USH2A: variants seen among roughly 807,000 people sequenced by gnomAD.
The protein encoded by USH2A is usherin.
In USH2A, 443 loss-of-function variants were observed where a neutral mutation model predicts 538.9. That is an observed-to-expected ratio of 0.82 (90% CI 0.76 to 0.89). The LOEUF (loss-of-function observed/expected upper bound fraction) is 0.89, where lower values mean the gene tolerates loss of function less well. Ranked by LOEUF, USH2A falls within the 40% of genes least tolerant of loss-of-function variation. The probability of loss-of-function intolerance (pLI) is 0.00; values close to 1 mark genes in which losing one functional copy is unlikely to be tolerated. For synonymous variants in USH2A, 2,413 were observed against 2,273.5 expected (o/e 1.06, Z -1.75); for missense variants, 6,633 against 6,324.8 (o/e 1.05, Z -1.65).
intron 2 of USH2A, among the ~76,000 whole-genome samples, chr1:216,419,434 C>A (rs1396388243): frequency 1.3e-5 from 2 of 152,178 alleles, no homozygotes; most frequent in East Asian, 1.9e-4. Flanking sequence ...TATCTCTACC[C>A]TTATTAGAGT....
At chr1:216,016,361 AC>A (rs1668711724) in intron 32 of USH2A, among the ~76,000 whole-genome samples, 1 of 152,194 alleles carries the variant, frequency 6.6e-6, no homozygotes, top group African/African-American at 2.4e-5. Flanking sequence ...AAAGGAAAAA[AC>A]AAAAACAAAA....
chr1:216,171,764 A>G (rs2034280219), intron 21 of USH2A, among the ~76,000 whole-genome samples: 1 of 152,114 alleles, frequency 6.6e-6, no homozygotes, highest in Admixed American at 6.6e-5. Context: ...ACAGAAGCAC[A>G]AAAAATGATT....
intron 32 of USH2A, among the ~76,000 whole-genome samples, chr1:216,027,169 T>C (rs1234221496): frequency 6.6e-6 from 1 of 152,064 alleles, no homozygotes; most frequent in Non-Finnish European, 1.5e-5. Context: ...AAAGAGGTAA[T>C]TAAGTCAAAA....
chr1:215,760,408 TTC>T (rs1660948109), intron 56 of USH2A, among the ~76,000 whole-genome samples: 1 of 152,064 alleles, frequency 6.6e-6, no homozygotes, highest in African/African-American at 2.4e-5. Context: ...CTTCTTCTTT[TTC>T]TCTCTTCTCT....
At chr1:216,315,914 G>A (rs2037499039) in intron 9 of USH2A, among the ~76,000 whole-genome samples, 1 of 152,082 alleles carries the variant, frequency 6.6e-6, no homozygotes, top group Non-Finnish European at 1.5e-5. Flanking sequence ...TTAATGAATA[G>A]CATCTAGGCT....
chr1:216,415,705 T>C (rs965952514), intron 3 of USH2A, among the ~76,000 whole-genome samples: 1 of 151,846 alleles, frequency 6.6e-6, no homozygotes, highest in African/African-American at 2.4e-5. Flanking sequence ...AGGGTGTTTT[T>C]TCGTAGAGAT....
chr1:216,016,356 A>G (rs895772220), intron 32 of USH2A, among the ~76,000 whole-genome samples: 6 of 152,206 alleles, frequency 3.9e-5, no homozygotes, highest in Non-Finnish European at 7.3e-5. Context: ...TTAAAAAAGG[A>G]AAAAACAAAA....
chr1:216,069,129 C>G (rs762384963), intron 30 of USH2A, among the ~76,000 whole-genome samples: 1 of 152,138 alleles, frequency 6.6e-6, no homozygotes, highest in African/African-American at 2.4e-5. Context: ...CAATAAACTA[C>G]TTGGTATTTT....
chr1:216,148,352 G>A (rs1247886271), intron 21 of USH2A, among the ~76,000 whole-genome samples: 1 of 151,732 alleles, frequency 6.6e-6, no homozygotes, highest in South Asian at 2.1e-4. Flanking sequence ...GACTATTCCT[G>A]GACTACAGCT....
Position 216,200,133 on chromosome 1 carries a change from A to G in USH2A, c.3317-12T>C. The G allele has an allele frequency of 6.2e-7, 1 of 1,604,758 alleles. No homozygotes were observed. The highest frequency in any genetic ancestry group is 8.5e-7 in the Non-Finnish European group (1 of 1,177,284). On this transcript the variant is annotated splice_polypyrimidine_tract_variant and intron_variant, in intron 16 of 71. Coordinates refer to ENST00000307340, the MANE Select transcript of USH2A (RefSeq NM_206933.4). ...GAAGTATTGAATACCTGAAATGAAA[A>G]GAAAAAAAAAAAACAAAGTTACATT...
At chr1:216,265,375 G>T (rs2036451419) in intron 11 of USH2A, among the ~76,000 whole-genome samples, 1 of 151,934 alleles carries the variant, frequency 6.6e-6, no homozygotes, top group African/African-American at 2.4e-5. Flanking sequence ...AGAGAAAAGG[G>T]AATTCTTATA....
intron 38 of USH2A, among the ~76,000 whole-genome samples, chr1:215,930,424 G>A (rs2102496067): frequency 6.6e-6 from 1 of 152,024 alleles, no homozygotes; most frequent in African/African-American, 2.4e-5. Context: ...GTTTAAGTCT[G>A]GAGGCAAAAT....
At chr1:215,858,695 T>G (rs1664237226) in intron 44 of USH2A, among the ~76,000 whole-genome samples, 1 of 151,914 alleles carries the variant, frequency 6.6e-6, no homozygotes, top group Admixed American at 6.6e-5. Context: ...GGATAAGAGC[T>G]TTGCTATTAA....
In USH2A at chr1:216,245,504, AG is replaced by A. The variant is rs1412375927; in HGVS notation, c.2809+1080del. The stretch of plus-strand genomic sequence containing the variant: ...GAGAGAGAGAGAGAGAGAGAGAGAG[AG>A]AGAGAGAGAGAGACAAATGAATATG... On this transcript the variant is annotated intron_variant, in intron 13 of 71. Transcript: ENST00000307340. Among the ~76,000 whole-genome samples the A allele has an allele frequency of 5.3e-4, 80 of 151,744 alleles. 1 individual carries two copies. The highest frequency in any genetic ancestry group is 9.4e-4 in the Non-Finnish European group (64 of 67,830).
intron 11 of USH2A, among the ~76,000 whole-genome samples, chr1:216,259,169 G>A (rs2036317183): frequency 6.6e-6 from 1 of 152,024 alleles, no homozygotes; most frequent in South Asian, 2.1e-4. Context: ...CCAAAACATA[G>A]CAGAATTTGG....
At chr1:215,923,675 C>T (rs1014160345) in intron 38 of USH2A, among the ~76,000 whole-genome samples, 3 of 151,962 alleles carry the variant, frequency 2.0e-5, no homozygotes, top group Non-Finnish European at 4.4e-5. Flanking sequence ...AATTGGAGCC[C>T]TGTCATCAAA....
intron 35 of USH2A, among the ~76,000 whole-genome samples, chr1:215,986,393 C>A (rs1667876061): frequency 6.6e-6 from 1 of 150,980 alleles, no homozygotes; most frequent in African/African-American, 2.4e-5. Flanking sequence ...GTGATTTGCC[C>A]ACCTCGACCT....
intron 37 of USH2A, among the ~76,000 whole-genome samples, chr1:215,941,153 G>A (rs1666621897): frequency 6.6e-6 from 1 of 151,916 alleles, no homozygotes; most frequent in Non-Finnish European, 1.5e-5. Flanking sequence ...ATAAAGGATA[G>A]ACAAAAATCT....
chr1:215,988,900 C>G (rs991263444), intron 35 of USH2A, among the ~76,000 whole-genome samples: 18 of 152,202 alleles, frequency 1.2e-4, no homozygotes, highest in African/African-American at 4.3e-4. Flanking sequence ...ACTGAAATAA[C>G]AAGGGGAGAG....
Sources: gnomAD v4.1 joint callset for allele counts (sites outside exome capture counted in the v4.1 genomes callset) on GRCh38, gnomAD v4.1.1 for gene constraint, MANE v1.5 for transcripts, NCBI Gene and HGNC (gene_info 2026-07-23, HGNC 2026-07-21) for gene names.